Variants in TANK observed in about 807,000 individuals in gnomAD.
The protein encoded by TANK is TRAF family member associated NFKB activator.
Under a neutral mutation model 43.6 loss-of-function variants are expected in TANK, and 15 were observed. The ratio of observed to expected loss-of-function variants is 0.34; its 90% confidence interval spans 0.23 to 0.53. The LOEUF is 0.53. TANK is among the 20% of genes least tolerant of loss of function. The pLI, the probability that TANK is intolerant of heterozygous loss-of-function variation, is 0.94. For synonymous variants in TANK, 162 were observed against 178.2 expected (o/e 0.91, Z 0.73); for missense variants, 417 against 498.6 (o/e 0.84, Z 1.56).
intron 1 of TANK, among the ~76,000 whole-genome samples, chr2:161,153,333 G>A (rs539951636): frequency 1.7e-4 from 26 of 151,920 alleles, no homozygotes; most frequent in African/African-American, 6.3e-4. Flanking sequence ...CAATATAGAG[G>A]CCTTCTCAGT....
intron 1 of TANK, among the ~76,000 whole-genome samples, chr2:161,172,610 G>T (rs1170200692): frequency 2.0e-5 from 3 of 151,868 alleles, no homozygotes; most frequent in Non-Finnish European, 2.9e-5. Context: ...TTTTCTTTCT[G>T]TCACTTTATG....
chr2:161,180,902 G>GT (rs35730859), intron 2 of TANK, among the ~76,000 whole-genome samples: 6,617 of 135,620 alleles, frequency 0.049, 260 homozygotes, highest in East Asian at 0.19. Flanking sequence ...AGAGTTCAGG[G>GT]TTTTTTTTTT....
chr2:161,205,231 G>A (rs982566805), intron 4 of TANK, among the ~76,000 whole-genome samples: 1 of 152,106 alleles, frequency 6.6e-6, no homozygotes, highest in African/African-American at 2.4e-5. Context: ...TAGGAGGATT[G>A]TTTGGGCCTA....
At chr2:161,202,696 A>G (rs577847668) in intron 2 of TANK, among the ~76,000 whole-genome samples, 1 of 152,306 alleles carries the variant, frequency 6.6e-6, no homozygotes, top group Admixed American at 6.5e-5. Flanking sequence ...CTCCAGGGAT[A>G]GAAATTGGTT....
At chr2:161,143,137 G>A (rs1331539331) in intron 1 of TANK, among the ~76,000 whole-genome samples, 1 of 152,076 alleles carries the variant, frequency 6.6e-6, no homozygotes, top group Non-Finnish European at 1.5e-5. Context: ...TATTATTGGT[G>A]TATAGGAATG....
chr2:161,185,724 A>C (rs1212983060), intron 2 of TANK, among the ~76,000 whole-genome samples: 2 of 57,042 alleles, frequency 3.5e-5, no homozygotes, highest in Non-Finnish European at 6.3e-5. Flanking sequence ...GGGTGGGGGG[A>C]GGGGGGAGGG....
intron 2 of TANK, among the ~76,000 whole-genome samples, chr2:161,183,410 A>T (rs1362681423): frequency 6.6e-6 from 1 of 152,158 alleles, no homozygotes; most frequent in Non-Finnish European, 1.5e-5. Flanking sequence ...AGAAAGCAAA[A>T]AACTCAACGT....
At chr2:161,203,341 C>T (rs1354871001) in intron 2 of TANK, 146 bp from the exon 3 acceptor site, 2 of 567,590 alleles carry the variant, frequency 3.5e-6, no homozygotes, top group African/African-American at 1.9e-5. Flanking sequence ...CAAGTACATT[C>T]CTGGAGCCAG....
At chr2:161,205,404 A>G (rs772911101) in intron 4 of TANK, among the ~76,000 whole-genome samples, 5 of 152,104 alleles carry the variant, frequency 3.3e-5, no homozygotes, top group African/African-American at 4.8e-5. Context: ...GTGTATATAT[A>G]TAAACAATGA....
intron 1 of TANK, among the ~76,000 whole-genome samples, chr2:161,166,805 A>C (rs1162626765): frequency 2.0e-5 from 3 of 152,060 alleles, no homozygotes; most frequent in Non-Finnish European, 2.9e-5. Flanking sequence ...CAAAAAAAAA[A>C]CAAAAAACAA....
upstream of TANK, among the ~76,000 whole-genome samples, chr2:161,155,625 T>C (rs920706987): frequency 6.6e-6 from 1 of 152,252 alleles, no homozygotes; most frequent in African/African-American, 2.4e-5. Context: ...TATTCAGCTT[T>C]TGAAGTTTAC....
chr2:161,151,150 A>T (rs1375856166), intron 1 of TANK, among the ~76,000 whole-genome samples: 1 of 152,134 alleles, frequency 6.6e-6, no homozygotes, highest in Non-Finnish European at 1.5e-5. Context: ...ACTTTGTATG[A>T]TTTCAATCTT....
chr2:161,217,995 A>C (rs1687192902), intron 4 of TANK, among the ~76,000 whole-genome samples: 2 of 152,172 alleles, frequency 1.3e-5, no homozygotes, highest in African/African-American at 4.8e-5. Context: ...GCTTTGTCAA[A>C]TGCTTAACTT....
intron 4 of TANK, among the ~76,000 whole-genome samples, chr2:161,221,929 G>C (rs1687364423): frequency 6.6e-6 from 1 of 152,016 alleles, no homozygotes; most frequent in Non-Finnish European, 1.5e-5. Context: ...AATTCCTTAA[G>C]GAGTCCTCCT....
chr2:161,234,378 C>A (rs1688070266), intron 7 of TANK, among the ~76,000 whole-genome samples: 1 of 152,124 alleles, frequency 6.6e-6, no homozygotes, highest in Admixed American at 6.6e-5. Context: ...CAGAATTTAG[C>A]TGTGTCAGAG....
chr2:161,153,211 C>A (rs1033765497), intron 1 of TANK, among the ~76,000 whole-genome samples: 1 of 151,886 alleles, frequency 6.6e-6, no homozygotes, highest in African/African-American at 2.4e-5. Flanking sequence ...TTTATATTCT[C>A]CTTTTGTTCA....
At chr2:161,232,361 TTGTC>T (rs1206783066) in intron 7 of TANK, among the ~76,000 whole-genome samples, 1 of 152,168 alleles carries the variant, frequency 6.6e-6, no homozygotes, top group Non-Finnish European at 1.5e-5. Context: ...TTGCAAACAT[TTGTC>T]TGATTTCTCT....
chr2:161,169,844 A>G (rs950471596), intron 1 of TANK, among the ~76,000 whole-genome samples: 1 of 152,170 alleles, frequency 6.6e-6, no homozygotes, highest in Non-Finnish European at 1.5e-5. Flanking sequence ...TTTGAAGCTC[A>G]GTTTTGAAGT....
chr2:161,202,791 T>G (rs1389608089), intron 2 of TANK: 1 of 432,996 alleles, frequency 2.3e-6, no homozygotes, highest in Non-Finnish European at 4.7e-6. Flanking sequence ...GTTTCAAATT[T>G]GCTTGAATGT....
Sources: allele counts gnomAD v4.1 joint callset (sites outside exome capture counted in the v4.1 genomes callset), GRCh38; gene constraint gnomAD v4.1.1; transcripts MANE v1.5; gene names NCBI Gene and HGNC (gene_info 2026-07-23, HGNC 2026-07-21).